HNRNPUL1: variants seen among roughly 807,000 people sequenced by gnomAD.
HNRNPUL1 encodes heterogeneous nuclear ribonucleoprotein U like 1, also known as heterogeneous nuclear ribonucleoprotein U-like protein 1.
Under a neutral mutation model 108.5 loss-of-function variants are expected in HNRNPUL1, and 14 were observed. That is an observed-to-expected ratio of 0.13 (90% CI 0.09 to 0.20). The LOEUF is 0.20. Ranked by LOEUF, HNRNPUL1 falls within the 10% of genes least tolerant of loss-of-function variation. The pLI, the probability that HNRNPUL1 is intolerant of heterozygous loss-of-function variation, is 1.00. For synonymous variants in HNRNPUL1, 422 were observed against 445.2 expected, an observed-to-expected ratio of 0.95 and a Z score of 0.66; for missense variants, 804 against 1,168.3, an observed-to-expected ratio of 0.69 and a Z score of 4.55.
chr19:41,294,224 C>G lies in HNRNPUL1; in HGVS notation c.1267-114C>G, dbSNP rs544216064. The G allele has an allele frequency of 8.3e-7, 1 of 1,210,434 alleles. No individual in the cohort carries two copies. Among genetic ancestry groups the G allele is most frequent in the Non-Finnish European group, 1.2e-6 (1 of 844,204 alleles). The allele number at this position is 1,210,434 out of a possible 1,614,324, so 75.0% of individuals were successfully genotyped here. On this transcript the variant is annotated intron_variant, in intron 8 of 14. Coordinates refer to ENST00000392006, the MANE Select transcript of HNRNPUL1 (RefSeq NM_007040.6). The surrounding 1 kb of genome is among the most constrained non-coding windows in gnomAD (Gnocchi z 4.3). ...GTGAGGTAGATGGTATTACTGCTTC[C>G]GCTTTGTAGAGGCAGCCACAGCTCA...
At position 41,292,059 on chromosome 19, in the gene HNRNPUL1, A is replaced by T. The variant is rs1307607185; in HGVS notation, c.1000-186A>T. Among the ~76,000 whole-genome samples, 1 of 150,884 alleles carries T rather than the reference A, an allele frequency of 6.6e-6. No individual in the cohort carries two copies. Among genetic ancestry groups the T allele is most frequent in the Non-Finnish European group, 1.5e-5 (1 of 67,868 alleles). ...AACTTTGGGGTCTTAGGCAAGGAGG[A>T]CTTTGGGCTGGACATTCTCTGAGAT... On this transcript the variant is annotated intron_variant, in intron 7 of 14. Transcript: ENST00000392006. This position sits in a 1 kb window ranked among gnomAD's most constrained non-coding sequence, Gnocchi z 4.1.
intron 7 of HNRNPUL1, among the ~76,000 whole-genome samples, chr19:41,285,056 T>G (rs1374232416): frequency 6.6e-6 from 1 of 151,272 alleles, no homozygotes; most frequent in Non-Finnish European, 1.5e-5. Context: ...GTGAAGTCAT[T>G]ATATATGACA....
chr19:41,272,614 C>T (rs1235323090), intron 3 of HNRNPUL1, among the ~76,000 whole-genome samples: 1 of 152,230 alleles, frequency 6.6e-6, no homozygotes, highest in Non-Finnish European at 1.5e-5. Context: ...TCCACTCATT[C>T]AGTCAGTTCT....
At position 41,279,194 on chromosome 19, in the gene HNRNPUL1, A is replaced by T. The variant is rs1007571682; in HGVS notation, c.886+18A>T. ...CCAGCTAGGTAAGGAGGGGTCAGCT[A>T]TGCAGTCCAGAGAATAGAGTGACTG... is the stretch of plus-strand genomic sequence containing the variant. On this transcript the variant is annotated intron_variant, in intron 6 of 14. Transcript: ENST00000392006. 31 of 1,549,158 alleles carry T rather than the reference A, an allele frequency of 2.0e-5. No homozygotes were observed. Among genetic ancestry groups the T allele is most frequent in the Non-Finnish European group, 2.8e-5 (31 of 1,123,648 alleles).
intron 7 of HNRNPUL1, among the ~76,000 whole-genome samples, chr19:41,289,120 G>T (rs1224402887): frequency 6.6e-6 from 1 of 152,086 alleles, no homozygotes; most frequent in Non-Finnish European, 1.5e-5. Context: ...AGAGTATGAG[G>T]TTCTTTTGGT....
chr19:41,267,850 AC>A (rs1297328986), intron 1 of HNRNPUL1, among the ~76,000 whole-genome samples: 1 of 152,050 alleles, frequency 6.6e-6, no homozygotes, highest in Non-Finnish European at 1.5e-5. Context: ...TGTTATCCCA[AC>A]CCCAGTAACA....
chr19:41,294,348 T>C lies in HNRNPUL1; in HGVS notation c.1277T>C (p.Met426Thr). ...GTCTTGTTCTTGTAGATTCTGATGATGGTGGGCCTGCCTGCTGCTGGCAAG... is the reference window on the plus strand; with the variant it reads ...GTCTTGTTCTTGTAGATTCTGATGACGGTGGGCCTGCCTGCTGCTGGCAAG... ...KSKAECEILM[M>T]VGLPAAGKTT... is the part of the protein sequence containing the mutation. The change falls in exon 9 of 15, where the codon ATG (methionine) becomes ACG (threonine). Residue 426 changes from methionine (M) to threonine (T), a missense_variant. Met to Thr is a moderately conservative substitution (Grantham distance 81). This residue lies in a region of HNRNPUL1 where 80 missense variants were observed against 221.8 expected (regional missense o/e 0.36). Coordinates refer to ENST00000392006, the MANE Select transcript of HNRNPUL1 (RefSeq NM_007040.6). The surrounding 1 kb of genome is among the most constrained non-coding windows in gnomAD (Gnocchi z 4.3). The C allele has an allele frequency of 6.2e-7, 1 of 1,614,128 alleles. No individual in the cohort carries two copies. Among genetic ancestry groups the C allele is most frequent in the Non-Finnish European group, 8.5e-7 (1 of 1,180,006 alleles).
At position 41,300,498 on chromosome 19, in the gene HNRNPUL1, GC is replaced by G. The variant is rs538277120; in HGVS notation, c.1519-1036del. Among the ~76,000 whole-genome samples, 450 of 152,230 alleles carry G rather than the reference GC, an allele frequency of 3.0e-3. 4 individuals carry two copies. The highest frequency in any genetic ancestry group is 0.01 in the African/African-American group (435 of 41,526). On this transcript the variant is annotated intron_variant, in intron 10 of 14. Transcript: ENST00000392006. ...CCATAGGGAGGGTACCTGTATAGGT[GC>G]CTGGGTCTTACTTCTAGAGGTTCAG...
rs1346123952 is a variant in HNRNPUL1 at position 41,294,261 on chromosome 19, TCA to T, written c.1267-73_1267-72del. 6 of 1,549,304 alleles carry T rather than the reference TCA, an allele frequency of 3.9e-6. No individual in the cohort carries two copies. The highest frequency in any genetic ancestry group is 2.1e-4 in the Middle Eastern group (1 of 4,762). On this transcript the variant is annotated intron_variant, in intron 8 of 14. Coordinates refer to ENST00000392006, the MANE Select transcript of HNRNPUL1 (RefSeq NM_007040.6). This position sits in a 1 kb window ranked among gnomAD's most constrained non-coding sequence, Gnocchi z 4.3. The stretch of plus-strand genomic sequence containing the variant: ...GCAGCCACAGCTCAGAGGTCCAGAG[TCA>T]CACTCACAGTCACCACCGAGCCAAG...
intron 1 of HNRNPUL1, among the ~76,000 whole-genome samples, chr19:41,267,407 C>T (rs1422811751): frequency 6.6e-6 from 1 of 152,076 alleles, no homozygotes; most frequent in Non-Finnish European, 1.5e-5. Flanking sequence ...TTGAAAGGGC[C>T]CCATATTCCA....
chr19:41,265,180 G>T lies in HNRNPUL1; in HGVS notation c.295+382G>T, dbSNP rs572620168. On this transcript the variant is annotated intron_variant, in intron 1 of 14. Transcript: ENST00000392006. ...TGGGGATCCTAGGGTACGGAGCTCC[G>T]TGGGCTTGGCGGTCGTGCTAGCCCA... is the stretch of plus-strand genomic sequence containing the variant. 4.2e-5 allele frequency: 62 copies of T among 1,468,394 alleles called. 1 individual carries two copies. The highest frequency in any genetic ancestry group is 4.8e-5 in the Non-Finnish European group (53 of 1,114,454). The allele number at this position is 1,468,394 out of a possible 1,614,324, so 91.0% of individuals were successfully genotyped here. A position where few individuals can be genotyped will look rare whatever the true frequency, so the allele number is the denominator to read the frequency against.
chr19:41,268,450 T>C (rs2034995340), intron 2 of HNRNPUL1, 105 bp downstream of exon 2: 2 of 1,222,982 alleles, frequency 1.6e-6, no homozygotes, highest in Non-Finnish European at 2.3e-6. Flanking sequence ...GCATCTTTTT[T>C]CTTGGGCAGT....
chr19:41,268,113 C>T, intron 1 of HNRNPUL1, 110 bp from the exon 2 acceptor site: 2 of 1,013,638 alleles, frequency 2.0e-6, no homozygotes, highest in Non-Finnish European at 2.9e-6. Context: ...TATTATTATT[C>T]TTACCACTCT....
At chr19:41,273,875 C>T (rs757244773) in intron 3 of HNRNPUL1, 107 bp from the exon 4 acceptor site, 1 of 835,022 alleles carries the variant, frequency 1.2e-6, no homozygotes, top group Middle Eastern at 2.3e-4. Flanking sequence ...AATGGAGATT[C>T]AGGAAGCAGT....
intron 2 of HNRNPUL1, among the ~76,000 whole-genome samples, chr19:41,269,480 G>C: frequency 2.1e-5 from 1 of 48,180 alleles, no homozygotes; most frequent in African/African-American, 8.1e-5. Context: ...ACCCTGTCAC[G>C]AAAAAAAAAA....
In HNRNPUL1 at chr19:41,304,924, G is replaced by A. The variant is rs370402064; in HGVS notation, c.2262+663G>A. Among the ~76,000 whole-genome samples the A allele has an allele frequency of 3.0e-4, 45 of 152,284 alleles. No individual in the cohort carries two copies. In the East Asian group the frequency reaches 3.3e-3, roughly 11 times the overall value. On this transcript the variant is annotated intron_variant, in intron 13 of 14. Transcript: ENST00000392006. ...GAATATTTCTTAGAACAAGAGTTGG[G>A]CAGGCACAGATCCAAACCCCCAGCC...
chr19:41,276,057 C>T (rs561641394), intron 4 of HNRNPUL1, 102 bp from the exon 5 acceptor site: 26 of 1,476,118 alleles, frequency 1.8e-5, no homozygotes, highest in Middle Eastern at 2.3e-4. Flanking sequence ...GAGCCAAGAT[C>T]GCACCATTGC....
Position 41,281,185 on chromosome 19 carries a change from C to T in HNRNPUL1, c.909C>T (p.Gly303=). The stretch of plus-strand genomic sequence containing the variant: ...CAGGCGAAGAGCCTTTCTCCTATGG[C>T]TATGGAGGCACTGGGAAGAAGTCCA... The part of the protein sequence containing the change: ...TQLGEEPFSY[G]YGGTGKKSTN... The change falls in exon 7 of 15, where the codon GGC becomes GGT. Residue 303 remains glycine, a synonymous_variant. Transcript: ENST00000392006. 3 of 1,613,964 alleles carry T rather than the reference C, an allele frequency of 1.9e-6. No individual in the cohort carries two copies. Among genetic ancestry groups the T allele is most frequent in the Non-Finnish European group, 2.5e-6 (3 of 1,179,834 alleles).
chr19:41,290,343 A>AG (rs1429599388), intron 7 of HNRNPUL1, among the ~76,000 whole-genome samples: 5 of 152,250 alleles, frequency 3.3e-5, no homozygotes, highest in Non-Finnish European at 7.3e-5. Context: ...AAAAACACTA[A>AG]GAAAAAAAAG....
Sources: allele counts gnomAD v4.1 joint callset (sites outside exome capture counted in the v4.1 genomes callset), GRCh38; gene constraint gnomAD v4.1.1; regional missense constraint gnomAD v4.1.1; non-coding constraint Gnocchi (gnomAD v3.1); transcripts MANE v1.5; gene names NCBI Gene and HGNC (gene_info 2026-07-23, HGNC 2026-07-21).